Variants in MAPK10 observed in about 807,000 individuals in gnomAD.
The protein encoded by MAPK10 is JNK3 alpha protein kinase.
A neutral mutation model predicts 59.3 loss-of-function variants in MAPK10; 25 were observed. The ratio of observed to expected loss-of-function variants is 0.42; its 90% confidence interval spans 0.31 to 0.59. The LOEUF (loss-of-function observed/expected upper bound fraction) is 0.59. MAPK10 is among the 20% of genes least tolerant of loss of function. The pLI, the probability that MAPK10 is intolerant of heterozygous loss-of-function variation, is 0.15. For missense variants in MAPK10, 351 were observed against 568.9 expected, an observed-to-expected ratio of 0.62 and a Z score of 3.90; for synonymous variants, 190 against 200.5, an observed-to-expected ratio of 0.95 and a Z score of 0.44.
At chr4:86,321,622 T>C (rs2095894471) in intron 2 of MAPK10, among the ~76,000 whole-genome samples, 1 of 147,528 alleles carries the variant, frequency 6.8e-6, no homozygotes, top group East Asian at 2.1e-4. Flanking sequence ...CTTTAGGAGA[T>C]ATACCTAATG....
At chr4:86,310,523 G>C (rs1227005531) in intron 2 of MAPK10, among the ~76,000 whole-genome samples, 2 of 152,224 alleles carry the variant, frequency 1.3e-5, no homozygotes, top group South Asian at 4.2e-4. Context: ...GAAGGTTTCT[G>C]ATCAACGTGC....
At chr4:86,055,679 T>G (rs1235807029) in intron 11 of MAPK10, among the ~76,000 whole-genome samples, 1 of 149,894 alleles carries the variant, frequency 6.7e-6, no homozygotes, top group Non-Finnish European at 1.5e-5. Flanking sequence ...ACAGAGGCTT[T>G]TTCTACCCAT....
At chr4:86,089,716 CA>C (rs33967580) in intron 9 of MAPK10, among the ~76,000 whole-genome samples, 1 of 151,888 alleles carries the variant, frequency 6.6e-6, no homozygotes, top group African/African-American at 2.4e-5. Context: ...CCAGCAACCT[CA>C]AAAGAGTTTC....
In MAPK10 at chr4:86,015,383, G is replaced by A. The variant is rs1369283230; in HGVS notation, c.*1845C>T. 1 of 152,096 alleles carries A rather than the reference G, an allele frequency of 6.6e-6. No homozygotes were observed. The highest frequency in any genetic ancestry group is 1.5e-5 in the Non-Finnish European group (1 of 68,006). The allele number at this position is 152,096 out of a possible 1,614,324, so 9.4% of individuals were successfully genotyped here. A position where few individuals can be genotyped will look rare whatever the true frequency, so the allele number is the denominator to read the frequency against. On this transcript the variant is annotated 3_prime_UTR_variant, in exon 14 of 14. Transcript: ENST00000641462. The stretch of plus-strand genomic sequence containing the variant: ...GCATTCTTGTTTGCTCTGTTTTGGG[G>A]ATATTCTATTTGCCAATCAGTTCAC...
In MAPK10 at chr4:86,159,558, T is replaced by C. The variant is rs936746794; in HGVS notation, c.67-91A>G. 2.4e-5 allele frequency: 25 copies of C among 1,035,828 alleles called. No individual in the cohort carries two copies. The African/African-American group carries it at 4.1e-4, about 17-fold the overall frequency. The allele number at this position is 1,035,828 out of a possible 1,614,324, so 64.2% of individuals were successfully genotyped here. Reference sequence around the variant, plus strand: ...AGAAACTTGTTCTTTTAATGATTACTGACACTTAGCCATCTATCATCTAGT... The same window carrying C: ...AGAAACTTGTTCTTTTAATGATTACCGACACTTAGCCATCTATCATCTAGT... On this transcript the variant is annotated intron_variant, in intron 3 of 13. Transcript: ENST00000641462.
In MAPK10 at chr4:86,474,422, C is replaced by T. The variant is rs117696537; in HGVS notation, c.-263+119488G>A. Among the ~76,000 whole-genome samples, 32 of 152,174 alleles carry T rather than the reference C, an allele frequency of 2.1e-4. No homozygotes were observed. In the East Asian group the frequency reaches 6.2e-3, roughly 29 times the overall value. ...CCTATGTTTATATCATAAAATGAAA[C>T]TCAAATGAAATATTTAAATTGGAGT... On this transcript the variant is annotated intron_variant, in intron 1 of 4. Transcript: ENST00000502302.
intron 1 of MAPK10, among the ~76,000 whole-genome samples, chr4:86,584,779 T>C (rs1335243360): frequency 2.0e-5 from 3 of 152,150 alleles, no homozygotes; most frequent in Non-Finnish European, 4.4e-5. Flanking sequence ...GGAATCTAGT[T>C]TGTAGACAAA....
chr4:86,065,153 C>A (rs538306075), intron 10 of MAPK10: 1 of 151,388 alleles, frequency 6.6e-6, no homozygotes, highest in Non-Finnish European at 1.5e-5. Flanking sequence ...GCTCAAAGAT[C>A]CTCCCACCTC....
intron 1 of MAPK10, among the ~76,000 whole-genome samples, chr4:86,375,342 T>C (rs2148996613): frequency 6.6e-6 from 1 of 152,222 alleles, no homozygotes; most frequent in South Asian, 2.1e-4. Flanking sequence ...CTACCACAAG[T>C]AACACCAAGA....
Position 86,572,440 on chromosome 4 carries a change from G to A in MAPK10, c.-263+21470C>T, listed in dbSNP as rs527723744. On this transcript the variant is annotated intron_variant, in intron 1 of 4. Coordinates refer to the MAPK10 transcript ENST00000502302. ...GCTGTAACATGTTTACCTTGTGCTA[G>A]CTGTGAGTCTCATTAAACTTGTAGG... is the stretch of plus-strand genomic sequence containing the variant. Among the ~76,000 whole-genome samples the A allele has an allele frequency of 1.7e-4, 26 of 152,254 alleles. No individual in the cohort carries two copies. The South Asian group carries it at 5.4e-3, about 32-fold the overall frequency.
At chr4:86,303,966 G>C (rs891795001) in intron 2 of MAPK10, among the ~76,000 whole-genome samples, 3 of 152,158 alleles carry the variant, frequency 2.0e-5, no homozygotes, top group Non-Finnish European at 4.4e-5. Context: ...GGAATCAACA[G>C]TCCCCACAGG....
chr4:86,583,491 C>G (rs1762446378), intron 1 of MAPK10, among the ~76,000 whole-genome samples: 1 of 152,034 alleles, frequency 6.6e-6, no homozygotes, highest in East Asian at 1.9e-4. Context: ...GGGGGAAAGT[C>G]AGTTTTTCTA....
At chr4:86,157,899 G>T (rs908998461) in intron 4 of MAPK10, among the ~76,000 whole-genome samples, 1 of 151,880 alleles carries the variant, frequency 6.6e-6, no homozygotes, top group Non-Finnish European at 1.5e-5. Context: ...TCTGTGGCAG[G>T]TCTGTTCAAA....
intron 2 of MAPK10, among the ~76,000 whole-genome samples, chr4:86,282,768 G>A (rs1044100772): frequency 6.6e-6 from 1 of 152,110 alleles, no homozygotes; most frequent in Non-Finnish European, 1.5e-5. Flanking sequence ...ATTTCCTGAG[G>A]CTTCAGAGGC....
chr4:86,040,316 T>C (rs950026275), intron 11 of MAPK10, among the ~76,000 whole-genome samples: 1 of 152,126 alleles, frequency 6.6e-6, no homozygotes, highest in Admixed American at 6.5e-5. Context: ...GAGATTGAAA[T>C]TATTTTTCAA....
chr4:86,198,439 A>G (rs2081895643), intron 2 of MAPK10, among the ~76,000 whole-genome samples: 4 of 152,096 alleles, frequency 2.6e-5, no homozygotes, highest in African/African-American at 9.7e-5. Context: ...TGCTCTGAGT[A>G]ATAAAGACCC....
intron 1 of MAPK10, among the ~76,000 whole-genome samples, chr4:86,573,909 T>A (rs1050328307): frequency 4.6e-5 from 7 of 152,354 alleles, no homozygotes; most frequent in East Asian, 1.9e-4. Context: ...TGCAATTTTT[T>A]AAATTATCAT....
At chr4:86,115,946 A>T (rs2058236156) in intron 4 of MAPK10, among the ~76,000 whole-genome samples, 1 of 152,248 alleles carries the variant, frequency 6.6e-6, no homozygotes, top group African/African-American at 2.4e-5. Flanking sequence ...GGCAGCACAG[A>T]TAAAGAGCCA....
intron 1 of MAPK10, chr4:86,593,700 T>A (rs1341742090): frequency 6.6e-6 from 1 of 152,226 alleles, no homozygotes; most frequent in East Asian, 1.9e-4. Flanking sequence ...ACCACACTTT[T>A]GAAGATAGCT....
Sources: gnomAD v4.1 joint callset for allele counts (sites outside exome capture counted in the v4.1 genomes callset) on GRCh38, gnomAD v4.1.1 for gene constraint, MANE v1.5 for transcripts, NCBI Gene and HGNC (gene_info 2026-07-23, HGNC 2026-07-21) for gene names.